Variants in ANKRD18B observed in about 807,000 individuals in gnomAD.
The protein encoded by ANKRD18B is ankyrin repeat domain-containing protein 18B.
ANKRD18B carries 75 observed loss-of-function variants against 111.8 expected under a neutral mutation model. The observed-to-expected ratio is 0.67, with a 90% confidence interval of 0.56 to 0.81. ANKRD18B has a LOEUF of 0.81. Ranked by LOEUF, ANKRD18B falls within the 40% of genes least tolerant of loss-of-function variation. ANKRD18B has a pLI of 0.00. For synonymous variants in ANKRD18B, 356 were observed against 417.3 expected (o/e 0.85, Z 1.79); for missense variants, 1,038 against 1,225.5 (o/e 0.85, Z 2.28).
intron 14 of ANKRD18B, among the ~76,000 whole-genome samples, chr9:33,564,927 T>C (rs1182587075): frequency 6.6e-6 from 1 of 152,210 alleles, no homozygotes; most frequent in African/African-American, 2.4e-5. Flanking sequence ...TGTCAGGGTG[T>C]TTGAGTTCCT....
At chr9:33,552,887 C>G (rs1828467640) in intron 12 of ANKRD18B, among the ~76,000 whole-genome samples, 1 of 152,112 alleles carries the variant, frequency 6.6e-6, no homozygotes, top group Non-Finnish European at 1.5e-5. Context: ...CACGTCAGTC[C>G]CTGGTTTAAT....
chr9:33,549,171 A>G (rs1828412358), intron 11 of ANKRD18B, among the ~76,000 whole-genome samples: 1 of 152,222 alleles, frequency 6.6e-6, no homozygotes, highest in Non-Finnish European at 1.5e-5. Context: ...AAAATCTTTG[A>G]ACTGTTTGTT....
Position 33,531,643 on chromosome 9 carries a change from A to G in ANKRD18B, c.496-1796A>G, listed in dbSNP as rs186080514. Among the ~76,000 whole-genome samples, 164 of 150,496 alleles carry G rather than the reference A, an allele frequency of 1.1e-3. 3 individuals carry two copies. Among genetic ancestry groups the G allele is most frequent in the Non-Finnish European group, 1.6e-3 (106 of 67,892 alleles). The stretch of plus-strand genomic sequence containing the variant: ...TACTTAGGTAACCTCCTTCATCCTT[A>G]TAAGTATTTGAGTTTACAACTCCTT... On this transcript the variant is annotated intron_variant, in intron 3 of 18. Coordinates refer to ENST00000684830, the MANE Select transcript of ANKRD18B (RefSeq NM_001393611.1).
Position 33,524,353 on chromosome 9 carries a change from G to T in ANKRD18B, c.-137G>T. 7.3e-7 allele frequency: 1 copy of T among 1,364,180 alleles called. No homozygotes were observed. The highest frequency in any genetic ancestry group is 1.5e-5 in the African/African-American group (1 of 67,958). The allele number at this position is 1,364,180 out of a possible 1,614,324, so 84.5% of individuals were successfully genotyped here. On this transcript the variant is annotated 5_prime_UTR_variant, in exon 1 of 19. Transcript: ENST00000684830. ...GATTCTGAGCTACATCGCGGGTTTGGGGGTGCATCTTGGATTTAGGGGTGG... is the reference window on the plus strand; with the variant it reads ...GATTCTGAGCTACATCGCGGGTTTGTGGGTGCATCTTGGATTTAGGGGTGG...
chr9:33,531,766 A>G (rs1268414143), intron 3 of ANKRD18B, among the ~76,000 whole-genome samples: 1 of 151,558 alleles, frequency 6.6e-6, no homozygotes, highest in African/African-American at 2.4e-5. Context: ...CCTCAATTAT[A>G]GAGTTGAATT....
At chr9:33,568,355 T>C (rs1274361924) in intron 16 of ANKRD18B, among the ~76,000 whole-genome samples, 1 of 152,202 alleles carries the variant, frequency 6.6e-6, no homozygotes, top group Non-Finnish European at 1.5e-5. Context: ...ATCTTTAGAA[T>C]CTTATAAGTA....
downstream of ANKRD18B, among the ~76,000 whole-genome samples, chr9:33,573,918 T>C (rs560386466): frequency 6.9e-6 from 1 of 144,298 alleles, no homozygotes; most frequent in African/African-American, 2.4e-5. Flanking sequence ...AGTGGGGACC[T>C]GGTCAGTGGT....
intron 5 of ANKRD18B, among the ~76,000 whole-genome samples, chr9:33,535,029 T>C (rs1206987255): frequency 6.6e-6 from 1 of 152,054 alleles, no homozygotes; most frequent in Non-Finnish European, 1.5e-5. Context: ...CTTCCTCCTT[T>C]GAATTTTTCA....
rs1450679327 is a variant in ANKRD18B, at chr9:33,535,797, T to TTATAGATTATATAATCTATATATTATA, written c.741-1063_741-1037dup. Among the ~76,000 whole-genome samples, 27 of 146,676 alleles carry TTATAGATTATATAATCTATATATTATA rather than the reference T, an allele frequency of 1.8e-4. No individual in the cohort carries two copies. The East Asian group carries it at 5.1e-3, about 28-fold the overall frequency. ...TCATTATAAATATTATATATAATTA[T>TTATAGATTATATAATCTATATATTATA]TATAGATTATATAATCTATATATTA... is the stretch of plus-strand genomic sequence containing the variant. On this transcript the variant is annotated intron_variant, in intron 5 of 18. Coordinates refer to ENST00000684830, the MANE Select transcript of ANKRD18B (RefSeq NM_001393611.1).
chr9:33,536,734 C>T, intron 5 of ANKRD18B, 144 bp from the exon 6 acceptor site: 1 of 469,362 alleles, frequency 2.1e-6, no homozygotes, highest in Non-Finnish European at 3.6e-6. Flanking sequence ...GTTTATAGAG[C>T]TTAAAATTTT....
chr9:33,529,557 T>G (rs1266749545), intron 3 of ANKRD18B, among the ~76,000 whole-genome samples: 1 of 152,206 alleles, frequency 6.6e-6, no homozygotes, highest in Admixed American at 6.5e-5. Context: ...GCTGATGGTT[T>G]TCTAACAAAA....
intron 1 of ANKRD18B, among the ~76,000 whole-genome samples, chr9:33,528,217 T>C (rs542285731): frequency 1.3e-5 from 2 of 152,326 alleles, no homozygotes; most frequent in Admixed American, 1.3e-4. Flanking sequence ...AGGAGGTTTG[T>C]TTGAGCCTAC....
intron 3 of ANKRD18B, among the ~76,000 whole-genome samples, chr9:33,531,304 C>T (rs563576806): frequency 7.4e-4 from 112 of 152,028 alleles, no homozygotes; most frequent in Middle Eastern, 3.4e-3. Context: ...ATTAAACATA[C>T]GATACTAGAC....
intron 1 of ANKRD18B, among the ~76,000 whole-genome samples, chr9:33,528,120 G>C (rs1323632585): frequency 1.3e-5 from 2 of 152,100 alleles, no homozygotes; most frequent in African/African-American, 4.8e-5. Flanking sequence ...GCAACAAGGT[G>C]ACATTCCTAC....
chr9:33,565,810 G>A lies in ANKRD18B; in HGVS notation c.2461-409G>A, dbSNP rs1174514863. ...TTATTTTCAAAGTCTTATTCTGGGA[G>A]CCATTTATTGACTTTGGCCTAAATA... is the stretch of plus-strand genomic sequence containing the variant. On this transcript the variant is annotated intron_variant, in intron 14 of 18. Transcript: ENST00000684830. Among the ~76,000 whole-genome samples the A allele has an allele frequency of 2.0e-5, 3 of 152,184 alleles. No individual in the cohort carries two copies. The South Asian group carries it at 6.2e-4, about 32-fold the overall frequency.
intron 13 of ANKRD18B, among the ~76,000 whole-genome samples, chr9:33,556,819 T>C (rs1022969787): frequency 6.6e-6 from 1 of 152,230 alleles, no homozygotes; most frequent in Admixed American, 6.5e-5. Flanking sequence ...ATATAAAACA[T>C]ATCATGGAAA....
intron 1 of ANKRD18B, among the ~76,000 whole-genome samples, chr9:33,526,575 T>C (rs1828028317): frequency 1.3e-5 from 2 of 152,222 alleles, no homozygotes; most frequent in South Asian, 4.1e-4. Flanking sequence ...TAAAAATTTA[T>C]TATTAATGGA....
At chr9:33,532,038 T>C (rs1479472735) in intron 3 of ANKRD18B, among the ~76,000 whole-genome samples, 1 of 151,992 alleles carries the variant, frequency 6.6e-6, no homozygotes, top group Non-Finnish European at 1.5e-5. Context: ...ATGGAGACCA[T>C]CCTGGCTAAC....
chr9:33,549,117 A>C (rs1384816365), intron 11 of ANKRD18B, among the ~76,000 whole-genome samples: 1 of 152,168 alleles, frequency 6.6e-6, no homozygotes, highest in East Asian at 1.9e-4. Context: ...AAATGTTCTA[A>C]AGTTGGATTG....
Sources: gnomAD v4.1 joint callset for allele counts (sites outside exome capture counted in the v4.1 genomes callset) on GRCh38, gnomAD v4.1.1 for gene constraint, MANE v1.5 for transcripts, NCBI Gene and HGNC (gene_info 2026-07-23, HGNC 2026-07-21) for gene names.